ANXA6: variants seen among roughly 807,000 people sequenced by gnomAD.
ANXA6 encodes 67 kDa calelectrin.
A neutral mutation model predicts 95.4 loss-of-function variants in ANXA6; 71 were observed. The observed-to-expected ratio is 0.74, with a 90% confidence interval of 0.61 to 0.91. The LOEUF (loss-of-function observed/expected upper bound fraction) is 0.91, where lower values mean the gene tolerates loss of function less well. Ranked by LOEUF, ANXA6 falls within the 40% of genes least tolerant of loss-of-function variation. The probability of loss-of-function intolerance (pLI) is 0.00; values close to 1 mark genes in which losing one functional copy is unlikely to be tolerated. For synonymous variants in ANXA6, 289 were observed against 315.9 expected (o/e 0.91, Z 0.90); for missense variants, 830 against 876.4 (o/e 0.95, Z 0.67).
At chr5:151,138,650 C>T (rs377716848) in intron 5 of ANXA6, 28 bp downstream of exon 5, 17 of 1,546,826 alleles carry the variant, frequency 1.1e-5, no homozygotes, top group Non-Finnish European at 1.4e-5. Flanking sequence ...ATCCCCACCC[C>T]AACACCACAT....
intron 9 of ANXA6, 80 bp from the exon 10 acceptor site, chr5:151,132,651 G>A (rs1032876679): frequency 2.5e-5 from 30 of 1,213,798 alleles, no homozygotes; most frequent in Non-Finnish European, 3.4e-5. Flanking sequence ...AGAGCAGGGG[G>A]GCACAGTGGC....
intron 18 of ANXA6, among the ~76,000 whole-genome samples, 199 bp from the exon 19 acceptor site, chr5:151,118,036 C>T (rs1287132290): frequency 6.6e-6 from 1 of 152,090 alleles, no homozygotes; most frequent in African/African-American, 2.4e-5. Context: ...TCCCATCAAC[C>T]CATCATCTCC....
Position 151,134,432 on chromosome 5 carries a change from C to T in ANXA6, c.541G>A (p.Val181Ile). Residue 181 changes from valine to isoleucine, a missense_variant, in exon 8 of 26, where the codon GTC becomes ATC. Transcript: ENST00000354546. The stretch of plus-strand genomic sequence containing the variant: ...TTTCAGTGGTGCTTGTTTACCTGGA[C>T]ATCCTGTTGTACCAGGTCCTCGCTC... ...VVSEDLVQQD[V>I]QDLYEAGELK... The T allele has an allele frequency of 6.2e-7, 1 of 1,613,966 alleles. No homozygotes were observed. Among genetic ancestry groups the T allele is most frequent in the Non-Finnish European group, 8.5e-7 (1 of 1,179,874 alleles).
intron 18 of ANXA6, among the ~76,000 whole-genome samples, chr5:151,118,513 A>T (rs1335878085): frequency 1.3e-5 from 2 of 152,050 alleles, no homozygotes; most frequent in African/African-American, 4.8e-5. Context: ...GGCTCACTGC[A>T]ACCTCTGCTT....
intron 11 of ANXA6, among the ~76,000 whole-genome samples, chr5:151,130,525 G>A (rs1459451223): frequency 6.6e-6 from 1 of 152,244 alleles, no homozygotes; most frequent in Non-Finnish European, 1.5e-5. Flanking sequence ...AGAGTGCTGG[G>A]ATCATAGGTG....
chr5:151,154,726 G>T (rs1478445239), intron 1 of ANXA6, among the ~76,000 whole-genome samples: 1 of 152,186 alleles, frequency 6.6e-6, no homozygotes, highest in African/African-American at 2.4e-5. Context: ...TTCCTCTCCT[G>T]ACCCAGAACC....
At chr5:151,109,971 AG>A in intron 21 of ANXA6, 125 bp from the exon 22 acceptor site, 2 of 701,350 alleles carry the variant, frequency 2.9e-6, no homozygotes, top group Non-Finnish European at 5.0e-6. Flanking sequence ...CAGCCATCCA[AG>A]GGGGCCGAGA....
intron 1 of ANXA6, among the ~76,000 whole-genome samples, chr5:151,149,179 CAAAAAAAAAAAA>C (rs36120948): frequency 2.1e-5 from 1 of 47,296 alleles, no homozygotes; most frequent in Admixed American, 2.8e-4. Context: ...AGCCCTGTCT[CAAAAAAAAAAAA>C]AAAAAAAAAA....
intron 7 of ANXA6, among the ~76,000 whole-genome samples, chr5:151,135,883 A>G (rs920195387): frequency 3.3e-5 from 5 of 152,194 alleles, no homozygotes; most frequent in African/African-American, 7.2e-5. Context: ...GTAGCCTCCT[A>G]ATAGTCTCTT....
At chr5:151,111,373 T>C (rs1764843622) in intron 20 of ANXA6, among the ~76,000 whole-genome samples, 1 of 152,252 alleles carries the variant, frequency 6.6e-6, no homozygotes, top group African/African-American at 2.4e-5. Flanking sequence ...GAAACTCTGC[T>C]GACTTTATTC....
Position 151,132,582 on chromosome 5 carries a change from CAG to C in ANXA6, c.641-13_641-12del, listed in dbSNP as rs1221169485. On this transcript the variant is annotated splice_polypyrimidine_tract_variant and intron_variant, in intron 9 of 25. Transcript: ENST00000354546. The stretch of plus-strand genomic sequence containing the variant: ...GATACTCATCGAACACTGCGTCAGA[CAG>C]AGAGACAGGGAGGTTTGAGAGTGCC... 24 of 1,609,658 alleles carry C rather than the reference CAG, an allele frequency of 1.5e-5. No individual in the cohort carries two copies. Among genetic ancestry groups the C allele is most frequent in the Non-Finnish European group, 2.0e-5 (23 of 1,178,106 alleles).
intron 17 of ANXA6, among the ~76,000 whole-genome samples, chr5:151,119,795 T>C (rs908356929): frequency 1.3e-5 from 2 of 152,266 alleles, no homozygotes; most frequent in African/African-American, 4.8e-5. Context: ...TATTTTCTTC[T>C]TTTTTACTCT....
At chr5:151,124,432 C>T in intron 14 of ANXA6, 65 bp from the exon 15 acceptor site, 2 of 1,505,566 alleles carry the variant, frequency 1.3e-6, no homozygotes, top group Non-Finnish European at 1.8e-6. Flanking sequence ...GGCTGAAAGA[C>T]AGCATGCGAG....
At chr5:151,134,074 T>C (rs907788387) in intron 8 of ANXA6, among the ~76,000 whole-genome samples, 8 of 152,222 alleles carry the variant, frequency 5.3e-5, no homozygotes, top group Non-Finnish European at 8.8e-5. Flanking sequence ...GATTAATGTA[T>C]GCCTGTCTCT....
At chr5:151,156,388 C>G (rs1208236049) in intron 1 of ANXA6, among the ~76,000 whole-genome samples, 1 of 152,228 alleles carries the variant, frequency 6.6e-6, no homozygotes, top group Non-Finnish European at 1.5e-5. Flanking sequence ...GACCCCAGGC[C>G]AGTGCCCTCG....
chr5:151,128,112 G>C, intron 13 of ANXA6, 69 bp downstream of exon 13: 2 of 1,368,800 alleles, frequency 1.5e-6, no homozygotes, highest in South Asian at 2.4e-5. Flanking sequence ...ATCAGGATGC[G>C]AGCCAGGAGA....
At chr5:151,122,844 G>T (rs778553671) in intron 16 of ANXA6, 73 bp downstream of exon 16, 6 of 1,376,062 alleles carry the variant, frequency 4.4e-6, no homozygotes, top group Non-Finnish European at 6.2e-6. Flanking sequence ...GTGCAGAACC[G>T]ATGGGGACAG....
intron 1 of ANXA6, among the ~76,000 whole-genome samples, chr5:151,148,179 C>G (rs912479600): frequency 6.6e-6 from 1 of 152,024 alleles, no homozygotes; most frequent in Admixed American, 6.6e-5. Flanking sequence ...GGCACTGACC[C>G]ACCACTGACC....
chr5:151,110,577 G>A (rs201261813), intron 21 of ANXA6, 50 bp downstream of exon 21: 38 of 1,601,848 alleles, frequency 2.4e-5, no homozygotes, highest in African/African-American at 1.6e-4. Context: ...CAGTAAAGGC[G>A]GACTTTACTC....
Sources: gnomAD v4.1 joint callset for allele counts (sites outside exome capture counted in the v4.1 genomes callset) on GRCh38, gnomAD v4.1.1 for gene constraint, MANE v1.5 for transcripts, NCBI Gene and HGNC (gene_info 2026-07-23, HGNC 2026-07-21) for gene names.